The following KCNH6 variants were observed in gnomAD, a reference collection of about 807,000 sequenced individuals.
KCNH6 encodes the protein potassium voltage-gated channel subfamily H member 6, also known as voltage-gated inwardly rectifying potassium channel KCNH6.
A neutral mutation model predicts 83.4 loss-of-function variants in KCNH6; 81 were observed. The observed-to-expected ratio is 0.97, with a 90% CI of 0.81 to 1.17. The LOEUF is 1.17. Ranked by LOEUF, KCNH6 falls within the 50% of genes most tolerant of loss-of-function variation. The pLI is 0.00. For synonymous variants in KCNH6, 503 were observed against 545.6 expected, an observed-to-expected ratio of 0.92 and a Z score of 1.09; for missense variants, 1,203 against 1,290.5, an observed-to-expected ratio of 0.93 and a Z score of 1.04.
chr17:63,534,389 C>A lies in KCNH6; in HGVS notation c.1101+78C>A. The A allele has an allele frequency of 1.4e-6, 2 of 1,408,076 alleles. No individual in the cohort carries two copies. Among genetic ancestry groups the A allele is most frequent in the South Asian group, 1.3e-5 (1 of 76,244 alleles). The allele number at this position is 1,408,076 out of a possible 1,614,324, so 87.2% of individuals were successfully genotyped here. A position where few individuals can be genotyped will look rare whatever the true frequency, so the allele number is the denominator to read the frequency against. ...CTCAAGCCCTCCCTGCTGCACAGCA[C>A]TGGGTGCGGAGAGTATCTGGCACTG... On this transcript the variant is annotated intron_variant, in intron 5 of 12. Transcript: ENST00000314672. This position sits in a 1 kb window ranked among gnomAD's most constrained non-coding sequence, Gnocchi z 5.0.
At position 63,538,723 on chromosome 17, in the gene KCNH6, G is replaced by C. The variant is rs1023026826; in HGVS notation, c.1954+61G>C. ...GATTGGATGGAAGAGGGCGGGATTG[G>C]AGATGCCCTGCCCAGGCCACCCTCT... is the stretch of plus-strand genomic sequence containing the variant. On this transcript the variant is annotated intron_variant, in intron 8 of 12. Transcript: ENST00000314672. This position sits in a 1 kb window ranked among gnomAD's most constrained non-coding sequence, Gnocchi z 4.0. The C allele has an allele frequency of 1.3e-5, 20 of 1,482,760 alleles. No homozygotes were observed. The highest frequency in any genetic ancestry group is 1.8e-5 in the Non-Finnish European group (20 of 1,103,042). The allele number at this position is 1,482,760 out of a possible 1,614,324, so 91.9% of individuals were successfully genotyped here.
chr17:63,531,774 G>A (rs1178988829), intron 4 of KCNH6, among the ~76,000 whole-genome samples: 1 of 152,190 alleles, frequency 6.6e-6, no homozygotes, highest in Non-Finnish European at 1.5e-5. Flanking sequence ...TTAGACTGGA[G>A]AGTGGTCGGT....
In KCNH6 at chr17:63,530,426, A is replaced by C; in HGVS notation, c.559A>C (p.Asn187His). The C allele has an allele frequency of 6.2e-7, 1 of 1,614,210 alleles. No homozygotes were observed. The highest frequency in any genetic ancestry group is 8.5e-7 in the Non-Finnish European group (1 of 1,180,034). Residue 187 changes from asparagine (N) to histidine (H), a missense_variant, in exon 4 of 13, where the codon AAC becomes CAC. Physicochemically the swap from Asn to His is moderately conservative, Grantham distance 68. Coordinates refer to ENST00000314672, the MANE Select transcript of KCNH6 (RefSeq NM_001278919.2). ...TISQIPQFTL[N>H]FVEFNLEKHR... is the part of the protein sequence containing the mutation. ...CAGCCAGATCCCACAGTTCACGCTC[A>C]ACTTCGTGGAGTTCAACTTGGAGAA...
chr17:63,526,298 G>A (rs1324308551), intron 2 of KCNH6, among the ~76,000 whole-genome samples: 1 of 152,094 alleles, frequency 6.6e-6, no homozygotes, highest in Non-Finnish European at 1.5e-5. Context: ...ACCCAGAAAG[G>A]GGAGCTTCCT....
Position 63,546,394 on chromosome 17 carries a change from A to G in KCNH6, c.*492A>G, listed in dbSNP as rs2033148223. On this transcript the variant is annotated 3_prime_UTR_variant, in exon 13 of 13. Transcript: ENST00000314672. ...GCCTCCTCCAGGGCTCCATTTAAACAGCAAGCCTGGTGCAGGGTGGGAGAG... is the reference window on the plus strand; with the variant it reads ...GCCTCCTCCAGGGCTCCATTTAAACGGCAAGCCTGGTGCAGGGTGGGAGAG... 1 of 156,760 alleles carries G rather than the reference A, an allele frequency of 6.4e-6. No homozygotes were observed. The highest frequency in any genetic ancestry group is 1.4e-5 in the Non-Finnish European group (1 of 70,746). The allele number at this position is 156,760 out of a possible 1,614,324, so 9.7% of individuals were successfully genotyped here.
rs1027325497 is a variant in KCNH6, at chr17:63,538,381, C to T, written c.1702-29C>T. The T allele has an allele frequency of 6.3e-7, 1 of 1,588,966 alleles. No individual in the cohort carries two copies. The highest frequency in any genetic ancestry group is 1.1e-5 in the South Asian group (1 of 88,412). ...TCCCCCAGCCCCACCCCGGCCGCGTCCCGCTGGACTTGGCCGCCCGCCTTG... is the reference window on the plus strand; with the variant it reads ...TCCCCCAGCCCCACCCCGGCCGCGTTCCGCTGGACTTGGCCGCCCGCCTTG... On this transcript the variant is annotated intron_variant, in intron 7 of 12. Transcript: ENST00000314672. This position sits in a 1 kb window ranked among gnomAD's most constrained non-coding sequence, Gnocchi z 4.0.
At chr17:63,526,205 C>T (rs1158652859) in intron 2 of KCNH6, among the ~76,000 whole-genome samples, 2 of 152,154 alleles carry the variant, frequency 1.3e-5, no homozygotes, top group Non-Finnish European at 2.9e-5. Context: ...AAGTCCCAAT[C>T]TACTCCCATC....
Position 63,524,359 on chromosome 17 carries a change from C to A in KCNH6, c.297C>A (p.Tyr99Ter), listed in dbSNP as rs201247760. ...AGTGCAAGGTGGACATCCTCTACTA[C>A]CGCAAGGATGGTGAGGCATACTCAG... ...AEECKVDILY[Y>*]RKDASSFRCL... Residue 99 changes from tyrosine to a stop codon, truncating the protein, a stop_gained, in exon 2 of 13, where the codon TAC becomes TAA. Transcript: ENST00000314672. LOFTEE classifies it high-confidence loss of function. 73 of 1,613,016 alleles carry A rather than the reference C, an allele frequency of 4.5e-5. No individual in the cohort carries two copies. The East Asian group carries it at 1.2e-3, about 27-fold the overall frequency.
intron 6 of KCNH6, among the ~76,000 whole-genome samples, chr17:63,536,811 C>T (rs561167450): frequency 7.5e-5 from 11 of 146,492 alleles, no homozygotes; most frequent in South Asian, 6.6e-4. Context: ...AAAAATTAGC[C>T]GGCGTGGTGG....
In KCNH6 at chr17:63,535,503, A is replaced by G. The variant is rs1300614124; in HGVS notation, c.1102-166A>G. Among the ~76,000 whole-genome samples, 4 of 151,906 alleles carry G rather than the reference A, an allele frequency of 2.6e-5. No individual in the cohort carries two copies. Among genetic ancestry groups the G allele is most frequent in the African/African-American group, 9.7e-5 (4 of 41,200 alleles). On this transcript the variant is annotated intron_variant, in intron 5 of 12. Coordinates refer to ENST00000314672, the MANE Select transcript of KCNH6 (RefSeq NM_001278919.2). This position sits in a 1 kb window ranked among gnomAD's most constrained non-coding sequence, Gnocchi z 4.9. ...TCTGAGCTTTAGGCTGAGATCCTCA[A>G]TGTCCCATACTGTGCCACACTGCCA...
In KCNH6 at chr17:63,534,913, A is replaced by G. The variant is rs1221950921; in HGVS notation, c.1101+602A>G. On this transcript the variant is annotated intron_variant, in intron 5 of 12. Transcript: ENST00000314672. This position sits in a 1 kb window ranked among gnomAD's most constrained non-coding sequence, Gnocchi z 5.0. ...GGCTCCTCTGCTCCAAAGCCCCCTA[A>G]GACCACCCCTCAACAAATCCACCCT... 6.6e-6 allele frequency among the ~76,000 whole-genome samples: 1 copy of G among 151,960 alleles called. No homozygotes were observed. The highest frequency in any genetic ancestry group is 1.5e-5 in the Non-Finnish European group (1 of 67,960).
chr17:63,534,105 C>A lies in KCNH6; in HGVS notation c.895C>A (p.Pro299Thr). The A allele has an allele frequency of 6.8e-7, 1 of 1,470,144 alleles. No homozygotes were observed. Among genetic ancestry groups the A allele is most frequent in the African/African-American group, 1.4e-5 (1 of 68,978 alleles). The allele number at this position is 1,470,144 out of a possible 1,614,324, so 91.1% of individuals were successfully genotyped here. A position where few individuals can be genotyped will look rare whatever the true frequency, so the allele number is the denominator to read the frequency against. ...TGGGGCCTGCAGCTATACCTGCAGT[C>A]CCCTCACTGTGGTGGATCTCATCGT... ...RRGACSYTCSPLTVVDLIVDI... is the reference protein window; with the variant it reads ...RRGACSYTCSTLTVVDLIVDI... The change falls in exon 5 of 13, where the codon CCC becomes ACC. Residue 299 changes from proline to threonine, a missense_variant. Coordinates refer to ENST00000314672, the MANE Select transcript of KCNH6 (RefSeq NM_001278919.2). This position sits in a 1 kb window ranked among gnomAD's most constrained non-coding sequence, Gnocchi z 5.0.
intron 2 of KCNH6, among the ~76,000 whole-genome samples, chr17:63,527,866 C>T (rs1254561871): frequency 2.6e-5 from 4 of 152,268 alleles, no homozygotes; most frequent in Admixed American, 2.6e-4. Context: ...ACCCAACAGG[C>T]CACAGGCATG....
At chr17:63,543,742 C>T in intron 10 of KCNH6, 82 bp downstream of exon 10, 1 of 847,636 alleles carries the variant, frequency 1.2e-6, no homozygotes, top group Non-Finnish European at 2.0e-6. Context: ...TCCATCCTGC[C>T]TCCCCAGCGC....
chr17:63,524,390 AG>A, intron 2 of KCNH6, 21 bp downstream of exon 2: 1 of 1,599,330 alleles, frequency 6.3e-7, no homozygotes, highest in Non-Finnish European at 8.6e-7. Context: ...CTCAGGCCAG[AG>A]GCTTTGCAGG....
At chr17:63,547,688 G>A (rs974635612), downstream of KCNH6, among the ~76,000 whole-genome samples, 1 of 152,034 alleles carries the variant, frequency 6.6e-6, no homozygotes, top group Non-Finnish European at 1.5e-5. Context: ...GCTCACTCAT[G>A]CCTGTAATCC....
chr17:63,538,370 C>T lies in KCNH6; in HGVS notation c.1702-40C>T. On this transcript the variant is annotated intron_variant, in intron 7 of 12. Coordinates refer to ENST00000314672, the MANE Select transcript of KCNH6 (RefSeq NM_001278919.2). This position sits in a 1 kb window ranked among gnomAD's most constrained non-coding sequence, Gnocchi z 4.0. ...TCACCACCCTCTCCCCCAGCCCCAC[C>T]CCGGCCGCGTCCCGCTGGACTTGGC... The T allele has an allele frequency of 6.3e-7, 1 of 1,590,174 alleles. No individual in the cohort carries two copies.
intron 8 of KCNH6, among the ~76,000 whole-genome samples, chr17:63,540,118 C>T (rs2032772607): frequency 6.6e-6 from 1 of 152,194 alleles, no homozygotes; most frequent in South Asian, 2.1e-4. Context: ...TGAGACCTTC[C>T]CTCACTCCCA....
At chr17:63,540,814 G>A (rs941831886) in intron 8 of KCNH6, among the ~76,000 whole-genome samples, 4 of 152,342 alleles carry the variant, frequency 2.6e-5, no homozygotes, top group South Asian at 2.1e-4. Context: ...AAGCAGTCAT[G>A]CTCCGTGGCA....
Sources: gnomAD v4.1 joint callset for allele counts (sites outside exome capture counted in the v4.1 genomes callset) on GRCh38, gnomAD v4.1.1 for gene constraint, Gnocchi (gnomAD v3.1) non-coding constraint, MANE v1.5 for transcripts, NCBI Gene and HGNC (gene_info 2026-07-23, HGNC 2026-07-21) for gene names.